NRXN3: variants seen among roughly 807,000 people sequenced by gnomAD.
NRXN3 encodes neurexin 3.
In NRXN3, 32 loss-of-function variants were observed where a neutral mutation model predicts 137.6. The observed-to-expected ratio is 0.23, with a 90% CI of 0.18 to 0.31. The LOEUF (loss-of-function observed/expected upper bound fraction) is 0.31. NRXN3 is among the 10% of genes least tolerant of loss of function. NRXN3 has a pLI of 1.00. For synonymous variants in NRXN3, 798 were observed against 784.5 expected, an observed-to-expected ratio of 1.02 and a Z score of -0.29; for missense variants, 1,574 against 2,062.5, an observed-to-expected ratio of 0.76 and a Z score of 4.59.
intron 15 of NRXN3, among the ~76,000 whole-genome samples, chr14:79,174,920 G>A (rs1310190572): frequency 6.6e-6 from 1 of 151,086 alleles, no homozygotes; most frequent in East Asian, 1.9e-4. Context: ...AATGGGGAAA[G>A]CAAAAGAAAT....
intron 16 of NRXN3, among the ~76,000 whole-genome samples, chr14:79,579,372 T>C (rs2097694515): frequency 6.8e-6 from 1 of 147,670 alleles, no homozygotes; most frequent in Admixed American, 6.8e-5. Flanking sequence ...ATATATAATA[T>C]ATATATAATT....
At chr14:79,054,484 A>G (rs904640169) in intron 15 of NRXN3, among the ~76,000 whole-genome samples, 1 of 152,148 alleles carries the variant, frequency 6.6e-6, no homozygotes, top group East Asian at 1.9e-4. Flanking sequence ...GATTTTTGAC[A>G]TAAGCAAAAA....
chr14:78,680,615 A>G (rs1168917049), intron 6 of NRXN3, among the ~76,000 whole-genome samples: 1 of 152,118 alleles, frequency 6.6e-6, no homozygotes, highest in Admixed American at 6.5e-5. Context: ...GCAGTCTTCT[A>G]GCTCATTTAA....
intron 15 of NRXN3, among the ~76,000 whole-genome samples, chr14:79,037,713 T>A (rs1456821296): frequency 6.6e-6 from 1 of 150,758 alleles, no homozygotes; most frequent in Non-Finnish European, 1.5e-5. Context: ...TTCTTGGAGC[T>A]GAGCTAAGAG....
chr14:79,430,256 T>G (rs1567104461), intron 15 of NRXN3, among the ~76,000 whole-genome samples: 1 of 152,206 alleles, frequency 6.6e-6, no homozygotes, highest in Non-Finnish European at 1.5e-5. Context: ...CCTTATATCT[T>G]GAAGACAGGA....
At chr14:79,049,052 AAAAAAAAAAAAAAAAAAAAAAATAATAAT>A (rs2099637673) in intron 15 of NRXN3, among the ~76,000 whole-genome samples, 1 of 59,454 alleles carries the variant, frequency 1.7e-5, no homozygotes, top group Non-Finnish European at 3.2e-5. Context: ...AAAAAAAAAA[AAAAAAAAAAAAAAAAAAAAAAATAATAAT>A]AATAATAATA....
rs75254450 is a variant in NRXN3 at position 78,196,735 on chromosome 14, G to C, written c.-704+26061G>C. Among the ~76,000 whole-genome samples the C allele has an allele frequency of 6.6e-3, 1,009 of 152,326 alleles. 10 individuals are homozygous for C. The highest frequency in any genetic ancestry group is 0.01 in the Middle Eastern group (3 of 294). ...TGAAAATATAAATACAAATAGGGATGAAGATATAAAGGAGAGGTATATGGC... is the reference window on the plus strand; with the variant it reads ...TGAAAATATAAATACAAATAGGGATCAAGATATAAAGGAGAGGTATATGGC... On this transcript the variant is annotated intron_variant, in intron 1 of 20. Transcript: ENST00000335750.
chr14:78,171,522 G>C (rs938448469), intron 1 of NRXN3, among the ~76,000 whole-genome samples: 1 of 151,856 alleles, frequency 6.6e-6, no homozygotes, highest in African/African-American at 2.4e-5. Flanking sequence ...AGCCTGGTTC[G>C]ATGTATTGTT....
chr14:78,671,404 A>G, intron 6 of NRXN3, among the ~76,000 whole-genome samples: 1 of 152,222 alleles, frequency 6.6e-6, no homozygotes, highest in Non-Finnish European at 1.5e-5. Context: ...GAATAATTTC[A>G]AACTTTTAAA....
At chr14:78,913,274 C>CTTTTTTTTTTTTTTTTTTTTTTT (rs1157942892) in intron 10 of NRXN3, among the ~76,000 whole-genome samples, 1 of 47,856 alleles carries the variant, frequency 2.1e-5, no homozygotes, top group Non-Finnish European at 3.5e-5. Flanking sequence ...TTCTTTCTTT[C>CTTTTTTTTTTTTTTTTTTTTTTT]TTTTTTTTTT....
intron 15 of NRXN3, among the ~76,000 whole-genome samples, chr14:79,435,627 C>CACACACACAT (rs1217902940): frequency 1.3e-4 from 19 of 151,012 alleles, no homozygotes. Context: ...CACACACACA[C>CACACACACAT]ACATACATTC....
At chr14:78,662,938 T>C (rs2097852789) in intron 6 of NRXN3, among the ~76,000 whole-genome samples, 1 of 152,224 alleles carries the variant, frequency 6.6e-6, no homozygotes, top group Non-Finnish European at 1.5e-5. Context: ...CAATAAAGAC[T>C]AGCAATTATT....
At position 78,897,348 on chromosome 14, in the gene NRXN3, CT is replaced by C. The variant is rs527348086; in HGVS notation, c.2276-59885del. Among the ~76,000 whole-genome samples the C allele has an allele frequency of 4.0e-5, 6 of 150,848 alleles. 1 individual carries two copies. The South Asian group carries it at 1.0e-3, about 26-fold the overall frequency. On this transcript the variant is annotated intron_variant, in intron 10 of 20. Transcript: ENST00000335750. ...ATCACAGTAACAGTAGGAGATATTG[CT>C]TTTTTTTTCTTTCTTTTTTTTTGAC...
intron 16 of NRXN3, among the ~76,000 whole-genome samples, chr14:79,547,769 A>G (rs1441560236): frequency 6.6e-6 from 1 of 152,198 alleles, no homozygotes; most frequent in Non-Finnish European, 1.5e-5. Context: ...TATGCATAGA[A>G]GCACCTGTTT....
chr14:79,343,293 A>G (rs1337665857), intron 15 of NRXN3, among the ~76,000 whole-genome samples: 3 of 152,098 alleles, frequency 2.0e-5, no homozygotes, highest in South Asian at 2.1e-4. Flanking sequence ...AAGGGCTTTT[A>G]TCGTCTTTGT....
intron 10 of NRXN3, among the ~76,000 whole-genome samples, chr14:78,950,805 T>C (rs1230118592): frequency 6.6e-6 from 1 of 152,208 alleles, no homozygotes; most frequent in Non-Finnish European, 1.5e-5. Context: ...CTTTGATTCA[T>C]ACGTCTCAGC....
At chr14:79,188,655 A>C (rs1025431081) in intron 15 of NRXN3, among the ~76,000 whole-genome samples, 2 of 152,236 alleles carry the variant, frequency 1.3e-5, no homozygotes, top group Non-Finnish European at 2.9e-5. Flanking sequence ...ATTATCTTCC[A>C]AATGGCTTTG....
intron 15 of NRXN3, among the ~76,000 whole-genome samples, chr14:79,316,756 C>CTT (rs1387221098): frequency 1.3e-5 from 2 of 151,882 alleles, no homozygotes; most frequent in African/African-American, 4.8e-5. Flanking sequence ...CTCTCTCTCT[C>CTT]TCTCTCTATT....
intron 15 of NRXN3, among the ~76,000 whole-genome samples, chr14:79,036,661 T>C (rs1398955054): frequency 2.1e-5 from 3 of 141,234 alleles, no homozygotes; most frequent in Non-Finnish European, 3.0e-5. Flanking sequence ...TAAGGACAGA[T>C]AAATTGGTAG....
Sources: allele counts gnomAD v4.1 joint callset (sites outside exome capture counted in the v4.1 genomes callset), GRCh38; gene constraint gnomAD v4.1.1; transcripts MANE v1.5; gene names NCBI Gene and HGNC (gene_info 2026-07-23, HGNC 2026-07-21).